Variants in ITPR2 observed in about 807,000 individuals in gnomAD.
ITPR2 encodes inositol 1,4,5-trisphosphate receptor type 2.
Under a neutral mutation model 317.1 loss-of-function variants are expected in ITPR2, and 207 were observed. The observed-to-expected ratio is 0.65, with a 90% CI of 0.58 to 0.73. The LOEUF (loss-of-function observed/expected upper bound fraction) is 0.73, where lower values mean the gene tolerates loss of function less well. ITPR2 is among the 30% of genes least tolerant of loss of function. The probability of loss-of-function intolerance (pLI) is 0.00; values close to 1 mark genes in which losing one functional copy is unlikely to be tolerated. For synonymous variants in ITPR2, 1,156 were observed against 1,149.1 expected (o/e 1.01, Z -0.12); for missense variants, 2,613 against 3,284.0 (o/e 0.80, Z 4.99).
intron 30 of ITPR2, among the ~76,000 whole-genome samples, chr12:26,598,183 A>G (rs1210240021): frequency 1.3e-5 from 2 of 152,276 alleles, no homozygotes; most frequent in African/African-American, 4.8e-5. Flanking sequence ...AGGCAAATGC[A>G]GATAAGAAAA....
chr12:26,800,312 CTAA>C (rs1950533525), intron 1 of ITPR2, among the ~76,000 whole-genome samples: 1 of 151,926 alleles, frequency 6.6e-6, no homozygotes, highest in Non-Finnish European at 1.5e-5. Flanking sequence ...TTAAAAATTA[CTAA>C]TAACACAAGG....
chr12:26,602,939 A>C lies in ITPR2; in HGVS notation c.3463-233T>G, dbSNP rs996961837. ...AATGACAAGTTAACTGGAATGACCT[A>C]TAATTATATGAGTTAAATTGTAAAG... On this transcript the variant is annotated intron_variant, in intron 26 of 56. Transcript: ENST00000381340. Among the ~76,000 whole-genome samples the C allele has an allele frequency of 3.9e-4, 60 of 152,232 alleles. 1 individual carries two copies. The highest frequency in any genetic ancestry group is 7.6e-4 in the Non-Finnish European group (52 of 68,042).
Position 26,621,240 on chromosome 12 carries a change from A to G in ITPR2, c.3345T>C (p.Asp1115=), listed in dbSNP as rs756700418. The change falls in exon 26 of 57, where the codon GAT becomes GAC. Residue 1115 remains aspartate, a synonymous_variant. Coordinates refer to ENST00000381340, the MANE Select transcript of ITPR2 (RefSeq NM_002223.4). The stretch of plus-strand genomic sequence containing the variant: ...CTACTGTCAGTCGAAGCTGGTCTAG[A>G]TCTGCCTTGATTTGCTTGTAGTTAT... ...DVDNYKQIKA[D]LDQLRLTVEK... 7 of 1,613,730 alleles carry G rather than the reference A, an allele frequency of 4.3e-6. No homozygotes were observed. In the African/African-American group the frequency reaches 5.3e-5, roughly 12 times the overall value.
At chr12:26,554,438 T>C (rs972009756) in intron 36 of ITPR2, among the ~76,000 whole-genome samples, 1 of 152,218 alleles carries the variant, frequency 6.6e-6, no homozygotes, top group African/African-American at 2.4e-5. Context: ...GATCAGACAG[T>C]AAATATTTTA....
chr12:26,365,269 C>A (rs951774175), intron 55 of ITPR2, among the ~76,000 whole-genome samples: 6 of 152,128 alleles, frequency 3.9e-5, no homozygotes, highest in African/African-American at 1.4e-4. Flanking sequence ...CTTAGTGATT[C>A]CTGAAACCTG....
intron 30 of ITPR2, among the ~76,000 whole-genome samples, chr12:26,598,542 C>T (rs1945910847): frequency 6.6e-6 from 1 of 152,150 alleles, no homozygotes; most frequent in Non-Finnish European, 1.5e-5. Context: ...TTCCTAGTAA[C>T]TTACTCATTA....
intron 21 of ITPR2, among the ~76,000 whole-genome samples, chr12:26,637,766 T>C (rs1361311104): frequency 6.6e-6 from 1 of 152,214 alleles, no homozygotes; most frequent in Non-Finnish European, 1.5e-5. Context: ...TTTCATCATA[T>C]AATTATAGTT....
intron 21 of ITPR2, among the ~76,000 whole-genome samples, chr12:26,637,210 G>A (rs1946881602): frequency 6.6e-6 from 1 of 152,108 alleles, no homozygotes; most frequent in South Asian, 2.1e-4. Context: ...ATGTTCATCT[G>A]GCTCTATACC....
chr12:26,452,512 C>T (rs140077353), intron 45 of ITPR2, among the ~76,000 whole-genome samples: 296 of 152,164 alleles, frequency 1.9e-3, no homozygotes, highest in Non-Finnish European at 3.4e-3. Context: ...GAGTGTGTCA[C>T]CCATAATGCA....
At chr12:26,804,450 G>A (rs1950609007) in intron 1 of ITPR2, among the ~76,000 whole-genome samples, 1 of 151,616 alleles carries the variant, frequency 6.6e-6, no homozygotes, top group Non-Finnish European at 1.5e-5. Context: ...CTGGGAGGGA[G>A]TGAGTAAGTC....
intron 2 of ITPR2, among the ~76,000 whole-genome samples, chr12:26,776,477 T>C (rs562858144): frequency 5.3e-5 from 8 of 152,316 alleles, no homozygotes; most frequent in East Asian, 3.9e-4. Context: ...CAAGCTCTTA[T>C]GCAAGTGGCT....
intron 2 of ITPR2, among the ~76,000 whole-genome samples, chr12:26,768,579 A>C (rs12829860): frequency 2.6e-5 from 3 of 117,504 alleles, no homozygotes; most frequent in South Asian, 2.7e-4. Context: ...TATAAAAAAA[A>C]AAAAAAAAAA....
intron 21 of ITPR2, among the ~76,000 whole-genome samples, chr12:26,649,865 T>C (rs957101061): frequency 1.3e-5 from 2 of 152,124 alleles, no homozygotes; most frequent in African/African-American, 4.8e-5. Context: ...TCTCCTATTA[T>C]AGATAGATAG....
intron 26 of ITPR2, among the ~76,000 whole-genome samples, chr12:26,605,726 GT>G (rs1946115502): frequency 6.6e-6 from 1 of 152,174 alleles, no homozygotes; most frequent in Non-Finnish European, 1.5e-5. Flanking sequence ...GCTAAACTCT[GT>G]ATGTGTGGGA....
chr12:26,365,426 G>C (rs186772074), intron 55 of ITPR2, among the ~76,000 whole-genome samples: 1 of 151,964 alleles, frequency 6.6e-6, no homozygotes, highest in East Asian at 1.9e-4. Flanking sequence ...TTGGCGTACT[G>C]TATCCCCAGA....
intron 2 of ITPR2, among the ~76,000 whole-genome samples, chr12:26,773,981 A>ATTTTT (rs34106132): frequency 1.1e-5 from 1 of 91,392 alleles, no homozygotes; most frequent in Non-Finnish European, 2.1e-5. Flanking sequence ...CAACTGGAGA[A>ATTTTT]TTTTTTTTTT....
intron 40 of ITPR2, 73 bp downstream of exon 40, chr12:26,486,995 G>A (rs1942685150): frequency 5.9e-6 from 8 of 1,347,414 alleles, no homozygotes; most frequent in East Asian, 2.3e-5. Flanking sequence ...GACGAAAAAT[G>A]TTAATGAGAT....
At chr12:26,693,357 TCAC>T (rs1948275520) in intron 10 of ITPR2, among the ~76,000 whole-genome samples, 1 of 152,162 alleles carries the variant, frequency 6.6e-6, no homozygotes. Flanking sequence ...AGAGTGAACT[TCAC>T]CATGGATATA....
intron 34 of ITPR2, among the ~76,000 whole-genome samples, chr12:26,573,117 T>C (rs1023241763): frequency 1.3e-5 from 2 of 151,956 alleles, no homozygotes; most frequent in Non-Finnish European, 2.9e-5. Context: ...TGCGAACTCC[T>C]GGGCAGTAAA....
Sources: allele counts gnomAD v4.1 joint callset (sites outside exome capture counted in the v4.1 genomes callset), GRCh38; gene constraint gnomAD v4.1.1; transcripts MANE v1.5; gene names NCBI Gene and HGNC (gene_info 2026-07-23, HGNC 2026-07-21).